SV2B: variants seen among roughly 807,000 people sequenced by gnomAD.
SV2B encodes synaptic vesicle glycoprotein 2B.
SV2B carries 41 observed loss-of-function variants against 73.9 expected under a neutral mutation model. That is an observed-to-expected ratio of 0.56 (90% CI 0.43 to 0.72). The LOEUF (loss-of-function observed/expected upper bound fraction) is 0.72, where lower values mean the gene tolerates loss of function less well. Among genes scored for constraint, SV2B ranks in the 30% least tolerant of loss-of-function variants. The pLI is 0.00. For missense variants in SV2B, 764 were observed against 857.8 expected (o/e 0.89, Z 1.37); for synonymous variants, 314 against 314.2 (o/e 1.00, Z 0.01).
rs1252414107 is a variant in SV2B at position 91,241,401 on chromosome 15, C to T, written c.452-10418C>T. On this transcript the variant is annotated intron_variant, in intron 2 of 12. Coordinates refer to ENST00000394232, the MANE Select transcript of SV2B (RefSeq NM_001323032.3). The surrounding 1 kb of genome is among the most constrained non-coding windows in gnomAD (Gnocchi z 4.8). ...AGGAACACAGAACATACAATGTTGC[C>T]CACTGGCCTCACTAAATTGATGATG... Among the ~76,000 whole-genome samples the T allele has an allele frequency of 6.6e-6, 1 of 152,140 alleles. No individual in the cohort carries two copies. Among genetic ancestry groups the T allele is most frequent in the Non-Finnish European group, 1.5e-5 (1 of 68,036 alleles).
rs1009582243 is a variant in SV2B at position 91,298,460 on chromosome 15, C to A, written c.*5908C>A. 6.6e-6 allele frequency: 1 copy of A among 152,044 alleles called. No individual in the cohort carries two copies. Among genetic ancestry groups the A allele is most frequent in the Non-Finnish European group, 1.5e-5 (1 of 68,024 alleles). 9.4% of individuals were successfully genotyped at this position (152,044 alleles called of 1,614,324 possible). A position where few individuals can be genotyped will look rare whatever the true frequency, so the allele number is the denominator to read the frequency against. On this transcript the variant is annotated 3_prime_UTR_variant, in exon 13 of 13. Coordinates refer to ENST00000394232, the MANE Select transcript of SV2B (RefSeq NM_001323032.3). This position sits in a 1 kb window ranked among gnomAD's most constrained non-coding sequence, Gnocchi z 5.4. The stretch of plus-strand genomic sequence containing the variant: ...ATATGCATGGCTGTTGTGGCAGCAG[C>A]GAGATTTCCAAAAAGATGAATGATG...
chr15:91,290,917 G>C lies in SV2B; in HGVS notation c.1868+1237G>C, dbSNP rs916142965. ...TAGTCCTAGCTGCTCAGGAGGCTGA[G>C]GGGGAGAGCTGCGAGAGCCCCGGGG... On this transcript the variant is annotated intron_variant, in intron 12 of 12. Transcript: ENST00000394232. The surrounding 1 kb of genome is among the most constrained non-coding windows in gnomAD (Gnocchi z 4.7). Among the ~76,000 whole-genome samples the C allele has an allele frequency of 1.1e-4, 16 of 151,998 alleles. No individual in the cohort carries two copies. Among genetic ancestry groups the C allele is most frequent in the Non-Finnish European group, 2.4e-4 (16 of 67,996 alleles).
intron 7 of SV2B, 152 bp downstream of exon 7, chr15:91,266,844 C>G: frequency 1.8e-6 from 1 of 563,218 alleles, no homozygotes; most frequent in Admixed American, 3.3e-5. Context: ...TGGGCTCCAG[C>G]CCACGTCTGC....
chr15:91,209,531 GA>G (rs1402221528), intron 1 of SV2B, among the ~76,000 whole-genome samples: 4 of 152,172 alleles, frequency 2.6e-5, no homozygotes, highest in African/African-American at 2.4e-5. Context: ...CCAAACAGTT[GA>G]AAAGGCATGT....
rs528208641 is a variant in SV2B at position 91,120,769 on chromosome 15, G to A, written c.-392+20406G>A. Among the ~76,000 whole-genome samples the A allele has an allele frequency of 5.4e-5, 8 of 147,694 alleles. No individual in the cohort carries two copies. In the South Asian group the frequency reaches 6.3e-4, roughly 12 times the overall value. On this transcript the variant is annotated intron_variant, in intron 1 of 12. Coordinates refer to ENST00000394232, the MANE Select transcript of SV2B (RefSeq NM_001323032.3). ...ACTGAGGTTGCAGTGAGCTGTGATC[G>A]TGCCACTGCTCCAGCCTGTGTGACA...
At position 91,225,916 on chromosome 15, in the gene SV2B, C is replaced by G. The variant is rs1364356619; in HGVS notation, c.-348C>G. ...AGGACAAATCAGGCCAGCACGCAGTCTGCCAAGTCCTGCTCGCTCCCTGTC... is the reference window on the plus strand; with the variant it reads ...AGGACAAATCAGGCCAGCACGCAGTGTGCCAAGTCCTGCTCGCTCCCTGTC... On this transcript the variant is annotated 5_prime_UTR_variant, in exon 2 of 13. Transcript: ENST00000394232. 1 of 297,498 alleles carries G rather than the reference C, an allele frequency of 3.4e-6. No homozygotes were observed. The highest frequency in any genetic ancestry group is 3.9e-5 in the South Asian group (1 of 25,822). The allele number at this position is 297,498 out of a possible 1,614,324, so 18.4% of individuals were successfully genotyped here.
At chr15:91,206,027 G>A (rs1015545749) in intron 1 of SV2B, among the ~76,000 whole-genome samples, 8 of 150,628 alleles carry the variant, frequency 5.3e-5, no homozygotes, top group South Asian at 2.1e-4. Context: ...TGTTGTGGTG[G>A]TGGTGGTTGT....
chr15:91,221,053 A>G (rs1309078361), intron 1 of SV2B, among the ~76,000 whole-genome samples: 1 of 151,810 alleles, frequency 6.6e-6, no homozygotes, highest in African/African-American at 2.4e-5. Context: ...TTTTGTAGAG[A>G]CAGGATTTCA....
chr15:91,117,744 G>A (rs967947012), intron 1 of SV2B, among the ~76,000 whole-genome samples: 6 of 152,184 alleles, frequency 3.9e-5, no homozygotes, highest in Non-Finnish European at 5.9e-5. Context: ...AGTAAAGTGC[G>A]AAAGTATACT....
chr15:91,109,353 T>C (rs1048377140), intron 1 of SV2B, among the ~76,000 whole-genome samples: 2 of 152,230 alleles, frequency 1.3e-5, no homozygotes, highest in African/African-American at 4.8e-5. Context: ...AACTGGGAGC[T>C]TGGTGCTGTT....
intron 1 of SV2B, among the ~76,000 whole-genome samples, chr15:91,176,255 G>T (rs2044304656): frequency 6.6e-6 from 1 of 152,096 alleles, no homozygotes; most frequent in African/African-American, 2.4e-5. Flanking sequence ...ATTCCATGGT[G>T]TATATGTGCC....
Position 91,258,308 on chromosome 15 carries a change from C to T in SV2B, c.785-113C>T. 3 of 1,469,496 alleles carry T rather than the reference C, an allele frequency of 2.0e-6. No homozygotes were observed. The highest frequency in any genetic ancestry group is 2.7e-6 in the Non-Finnish European group (3 of 1,095,030). The allele number at this position is 1,469,496 out of a possible 1,614,324, so 91.0% of individuals were successfully genotyped here. On this transcript the variant is annotated intron_variant, in intron 4 of 12. Coordinates refer to ENST00000394232, the MANE Select transcript of SV2B (RefSeq NM_001323032.3). The surrounding 1 kb of genome is among the most constrained non-coding windows in gnomAD (Gnocchi z 4.7). ...TGAGGAGTCTGCATTTTAACCACCT[C>T]CCCGGGTGACTCTCTTGTGCCCTGA... is the stretch of plus-strand genomic sequence containing the variant.
At position 91,239,660 on chromosome 15, in the gene SV2B, T is replaced by C. The variant is rs2046927045; in HGVS notation, c.452-12159T>C. Among the ~76,000 whole-genome samples the C allele has an allele frequency of 6.6e-6, 1 of 152,212 alleles. No homozygotes were observed. Among genetic ancestry groups the C allele is most frequent in the Non-Finnish European group, 1.5e-5 (1 of 68,034 alleles). On this transcript the variant is annotated intron_variant, in intron 2 of 12. Coordinates refer to ENST00000394232, the MANE Select transcript of SV2B (RefSeq NM_001323032.3). The surrounding 1 kb of genome is among the most constrained non-coding windows in gnomAD (Gnocchi z 5.1). The stretch of plus-strand genomic sequence containing the variant: ...TTATTTAAACCAATCAGATAGAGTC[T>C]TTCATTAGTATGGTTTCTTTTTTAG...
chr15:91,239,166 T>C lies in SV2B; in HGVS notation c.451+12452T>C, dbSNP rs576513746. The stretch of plus-strand genomic sequence containing the variant: ...TGGGGTCCACTGAACAGGCTGGATG[T>C]GAACATCCTCTTCTCCGTGTGGGCT... On this transcript the variant is annotated intron_variant, in intron 2 of 12. Transcript: ENST00000394232. The surrounding 1 kb of genome is among the most constrained non-coding windows in gnomAD (Gnocchi z 5.1). 1.7e-4 allele frequency among the ~76,000 whole-genome samples: 26 copies of C among 152,298 alleles called. No homozygotes were observed. The highest frequency in any genetic ancestry group is 5.5e-4 in the African/African-American group (23 of 41,576).
At position 91,252,667 on chromosome 15, in the gene SV2B, C is replaced by A; in HGVS notation, c.784+147C>A. 1 of 836,470 alleles carries A rather than the reference C, an allele frequency of 1.2e-6. No individual in the cohort carries two copies. The highest frequency in any genetic ancestry group is 1.6e-6 in the Non-Finnish European group (1 of 619,474). 51.8% of individuals were successfully genotyped at this position (836,470 alleles called of 1,614,324 possible). A position where few individuals can be genotyped will look rare whatever the true frequency, so the allele number is the denominator to read the frequency against. Reference sequence around the variant, plus strand: ...TCTTTCTTAACAACTTCTAACATTGCAGACACATTGTTAATTTCAATTCAA... The same window carrying A: ...TCTTTCTTAACAACTTCTAACATTGAAGACACATTGTTAATTTCAATTCAA... On this transcript the variant is annotated intron_variant, in intron 4 of 12. Coordinates refer to ENST00000394232, the MANE Select transcript of SV2B (RefSeq NM_001323032.3). This position sits in a 1 kb window ranked among gnomAD's most constrained non-coding sequence, Gnocchi z 4.6.
chr15:91,268,178 T>A lies in SV2B; in HGVS notation c.1209-263T>A, dbSNP rs1436512991. Among the ~76,000 whole-genome samples, 1 of 152,188 alleles carries A rather than the reference T, an allele frequency of 6.6e-6. No individual in the cohort carries two copies. ...ATGTATATTTTACATGTTAAGGAGG[T>A]GTCCCTCAACCCCTAATCTATTGGT... On this transcript the variant is annotated intron_variant, in intron 8 of 12. Transcript: ENST00000394232. This position sits in a 1 kb window ranked among gnomAD's most constrained non-coding sequence, Gnocchi z 4.4.
intron 1 of SV2B, among the ~76,000 whole-genome samples, chr15:91,146,447 T>C (rs955473729): frequency 7.9e-5 from 12 of 152,190 alleles, no homozygotes; most frequent in African/African-American, 2.9e-4. Flanking sequence ...TTAAATTCTA[T>C]ATAAATTTAA....
Position 91,226,459 on chromosome 15 carries a change from A to T in SV2B, c.196A>T (p.Met66Leu). 1.2e-6 allele frequency: 2 copies of T among 1,614,214 alleles called. No individual in the cohort carries two copies. Among genetic ancestry groups the T allele is most frequent in the South Asian group, 2.2e-5 (2 of 91,088 alleles). ...PDDVKAKQAK[M>L]APSRMDSLRG... ...TGATGTCAAGGCCAAGCAGGCCAAGATGGCGCCCTCCAGAATGGACAGCCT... is the reference window on the plus strand; with the variant it reads ...TGATGTCAAGGCCAAGCAGGCCAAGTTGGCGCCCTCCAGAATGGACAGCCT... Residue 66 changes from methionine (M) to leucine (L), a missense_variant, in exon 2 of 13, where the codon ATG becomes TTG. By Grantham distance (15) the Met-to-Leu change is conservative. Transcript: ENST00000394232.
chr15:91,118,041 T>C lies in SV2B; in HGVS notation c.-392+17678T>C, dbSNP rs1469995447. ...CCACAACTCTAAGCCCCTGGGTCTATGTAAGTAGAGGGATTAAAAAAAGTG... is the reference window on the plus strand; with the variant it reads ...CCACAACTCTAAGCCCCTGGGTCTACGTAAGTAGAGGGATTAAAAAAAGTG... On this transcript the variant is annotated intron_variant, in intron 1 of 12. Coordinates refer to ENST00000394232, the MANE Select transcript of SV2B (RefSeq NM_001323032.3). The surrounding 1 kb of genome is among the most constrained non-coding windows in gnomAD (Gnocchi z 4.7). Among the ~76,000 whole-genome samples, 7 of 152,200 alleles carry C rather than the reference T, an allele frequency of 4.6e-5. No homozygotes were observed. Among genetic ancestry groups the C allele is most frequent in the Non-Finnish European group, 8.8e-5 (6 of 68,036 alleles).
Sources: gnomAD v4.1 joint callset for allele counts (sites outside exome capture counted in the v4.1 genomes callset) on GRCh38, gnomAD v4.1.1 for gene constraint, Gnocchi (gnomAD v3.1) non-coding constraint, MANE v1.5 for transcripts, NCBI Gene and HGNC (gene_info 2026-07-23, HGNC 2026-07-21) for gene names.